Variants in ANO10 observed in about 807,000 individuals in gnomAD.
ANO10 encodes anoctamin 10.
In ANO10, 77 loss-of-function variants were observed where a neutral mutation model predicts 74.7. The ratio of observed to expected loss-of-function variants is 1.03; its 90% confidence interval spans 0.86 to 1.25. The LOEUF is 1.25. Among genes scored for constraint, ANO10 ranks in the 50% most tolerant of loss-of-function variants. ANO10 has a pLI of 0.00. For missense variants in ANO10, 721 were observed against 778.1 expected, an observed-to-expected ratio of 0.93 and a Z score of 0.87; for synonymous variants, 279 against 284.9, an observed-to-expected ratio of 0.98 and a Z score of 0.21.
rs2079685762 is a variant in ANO10, at chr3:43,555,298, C to A, written c.1648G>T (p.Ala550Ser). 1 of 1,613,882 alleles carries A rather than the reference C, an allele frequency of 6.2e-7. No individual in the cohort carries two copies. Among genetic ancestry groups the A allele is most frequent in the Admixed American group, 1.7e-5 (1 of 59,996 alleles). ...VFKRPFSEPS[A>S]NIGVWQLAFE... ...ATTACCTGCCACACACCAATATTGG[C>A]TGAAGGTTCTGAGAATGGACGTTTG... Residue 550 changes from alanine to serine, a missense_variant, in exon 10 of 13, where the codon GCC becomes TCC. Ala to Ser is a moderately conservative substitution (Grantham distance 99, BLOSUM62 1). Coordinates refer to ENST00000292246, the MANE Select transcript of ANO10 (RefSeq NM_018075.5).
intron 1 of ANO10, among the ~76,000 whole-genome samples, chr3:43,610,282 C>T (rs1266304397): frequency 6.6e-6 from 1 of 152,158 alleles, no homozygotes; most frequent in Non-Finnish European, 1.5e-5. Context: ...ATGGAGCTGT[C>T]ATCTCCTATA....
chr3:43,414,116 G>GA (rs572062823), intron 12 of ANO10, among the ~76,000 whole-genome samples: 1 of 152,030 alleles, frequency 6.6e-6, no homozygotes, highest in Non-Finnish European at 1.5e-5. Flanking sequence ...ATAAACAGAA[G>GA]AAAAGGCAGG....
intron 11 of ANO10, among the ~76,000 whole-genome samples, chr3:43,453,668 G>A (rs2074987333): frequency 6.6e-6 from 1 of 152,084 alleles, no homozygotes; most frequent in Non-Finnish European, 1.5e-5. Flanking sequence ...AATTTCATTT[G>A]TTTGCATATG....
chr3:43,403,000 A>T (rs2092511108), intron 12 of ANO10, among the ~76,000 whole-genome samples: 2 of 152,190 alleles, frequency 1.3e-5, no homozygotes, highest in African/African-American at 4.8e-5. Flanking sequence ...ACCCCATCCC[A>T]GAAGCAAACA....
intron 12 of ANO10, among the ~76,000 whole-genome samples, chr3:43,367,782 C>G (rs2091464230): frequency 6.6e-6 from 1 of 152,124 alleles, no homozygotes; most frequent in Non-Finnish European, 1.5e-5. Context: ...CTGCCCTATT[C>G]GTTGAATAAA....
intron 1 of ANO10, among the ~76,000 whole-genome samples, chr3:43,639,925 G>C (rs1446168593): frequency 1.3e-5 from 2 of 152,148 alleles, no homozygotes; most frequent in Non-Finnish European, 2.9e-5. Context: ...GCATTATTTT[G>C]TCTTAGCACA....
chr3:43,566,279 A>G (rs1255899346), intron 7 of ANO10, among the ~76,000 whole-genome samples: 2 of 152,242 alleles, frequency 1.3e-5, no homozygotes, highest in African/African-American at 4.8e-5. Flanking sequence ...GCCATTGCCC[A>G]GGCTTGATTA....
At chr3:43,496,217 G>A (rs533977120) in intron 11 of ANO10, among the ~76,000 whole-genome samples, 20 of 152,140 alleles carry the variant, frequency 1.3e-4, no homozygotes, top group African/African-American at 3.9e-4. Context: ...TCAAAATATC[G>A]GAAAACAATC....
intron 11 of ANO10, among the ~76,000 whole-genome samples, chr3:43,481,890 T>C (rs886214929): frequency 1.3e-5 from 2 of 152,016 alleles, no homozygotes; most frequent in Non-Finnish European, 2.9e-5. Flanking sequence ...AGTGTACATC[T>C]TGTATGTATT....
intron 11 of ANO10, among the ~76,000 whole-genome samples, chr3:43,484,409 C>T (rs941935383): frequency 6.6e-6 from 1 of 152,138 alleles, no homozygotes; most frequent in Non-Finnish European, 1.5e-5. Flanking sequence ...CCAGAAAGAC[C>T]TAGAAAGGGA....
In ANO10 at chr3:43,438,273, A is replaced by C. The variant is rs367717099; in HGVS notation, c.1798-5546T>G. On this transcript the variant is annotated intron_variant, in intron 11 of 12. Transcript: ENST00000292246. ...ATAGCAAGACCTTATCTCTACAAAA[A>C]TAAAAATAAAAAATAAAAAACTTAG... is the stretch of plus-strand genomic sequence containing the variant. Among the ~76,000 whole-genome samples, 5 of 152,242 alleles carry C rather than the reference A, an allele frequency of 3.3e-5. No homozygotes were observed. In the East Asian group the frequency reaches 7.7e-4, roughly 23 times the overall value.
At chr3:43,460,934 T>C (rs1036395833) in intron 11 of ANO10, among the ~76,000 whole-genome samples, 1 of 147,678 alleles carries the variant, frequency 6.8e-6, no homozygotes, top group Non-Finnish European at 1.5e-5. Context: ...AAAACTTCAA[T>C]AGAAAAGCTG....
At chr3:43,458,153 A>G (rs1397216436) in intron 11 of ANO10, among the ~76,000 whole-genome samples, 1 of 152,184 alleles carries the variant, frequency 6.6e-6, no homozygotes, top group Non-Finnish European at 1.5e-5. Flanking sequence ...CCACTGTGCT[A>G]TATATAATCT....
intron 1 of ANO10, among the ~76,000 whole-genome samples, chr3:43,677,519 C>G (rs924292720): frequency 6.6e-6 from 1 of 152,216 alleles, no homozygotes; most frequent in Non-Finnish European, 1.5e-5. Flanking sequence ...TGCTACCTAA[C>G]AAACTACTTC....
intron 1 of ANO10, chr3:43,690,803 A>G: frequency 2.1e-6 from 1 of 470,524 alleles, no homozygotes; most frequent in Non-Finnish European, 3.6e-6. Context: ...CTGGCTGGGG[A>G]TGGCGGACGC....
At chr3:43,385,196 T>C (rs1456357833) in intron 12 of ANO10, among the ~76,000 whole-genome samples, 1 of 152,062 alleles carries the variant, frequency 6.6e-6, no homozygotes, top group Non-Finnish European at 1.5e-5. Flanking sequence ...ATCAGGGAAA[T>C]GCAAACCAAA....
Position 43,380,456 on chromosome 3 carries a change from GAACCTATCAGATT to G in ANO10, c.1915-13495_1915-13483del, listed in dbSNP as rs368319251. ...CAAATACATCAGGTAACCTACAAAG[GAACCTATCAGATT>G]AACCTATCAGATTAACAGCAGATTT... is the stretch of plus-strand genomic sequence containing the variant. On this transcript the variant is annotated intron_variant, in intron 12 of 12. Coordinates refer to ENST00000292246, the MANE Select transcript of ANO10 (RefSeq NM_018075.5). Among the ~76,000 whole-genome samples, 903 of 152,182 alleles carry G rather than the reference GAACCTATCAGATT, an allele frequency of 5.9e-3. 7 individuals are homozygous for G. Among genetic ancestry groups the G allele is most frequent in the African/African-American group, 0.021 (858 of 41,516 alleles).
chr3:43,684,273 T>C (rs982822397), intron 1 of ANO10, among the ~76,000 whole-genome samples: 4 of 152,066 alleles, frequency 2.6e-5, no homozygotes, highest in Admixed American at 6.5e-5. Context: ...GGGTGAAGGA[T>C]ATGGACAGAC....
At chr3:43,669,970 C>T (rs1028442591) in intron 1 of ANO10, among the ~76,000 whole-genome samples, 1 of 152,076 alleles carries the variant, frequency 6.6e-6, no homozygotes, top group Non-Finnish European at 1.5e-5. Context: ...ATGATCCACC[C>T]GCCTAGGCCT....
Sources: allele counts gnomAD v4.1 joint callset (sites outside exome capture counted in the v4.1 genomes callset), GRCh38; gene constraint gnomAD v4.1.1; transcripts MANE v1.5; gene names NCBI Gene and HGNC (gene_info 2026-07-23, HGNC 2026-07-21).